Variants in PRELID2 observed in about 807,000 individuals in gnomAD.
PRELID2 encodes PRELI domain-containing protein 2.
Under a neutral mutation model 28.4 loss-of-function variants are expected in PRELID2, and 25 were observed. That is an observed-to-expected ratio of 0.88 (90% confidence interval 0.64 to 1.23). The LOEUF is 1.23. Ranked by LOEUF, PRELID2 falls within the 50% of genes most tolerant of loss-of-function variation. PRELID2 has a pLI of 0.00. For synonymous variants in PRELID2, 76 were observed against 71.6 expected, an observed-to-expected ratio of 1.06 and a Z score of -0.31; for missense variants, 201 against 214.4, an observed-to-expected ratio of 0.94 and a Z score of 0.39.
the PRELID2 span, among the ~76,000 whole-genome samples, chr5:145,316,101 C>A: frequency 6.6e-6 from 1 of 152,168 alleles, no homozygotes; most frequent in Admixed American, 6.5e-5. Flanking sequence ...TTGAAATTGG[C>A]CATGGTAGAA....
chr5:145,678,280 C>G (rs1158268533), intron 1 of PRELID2, among the ~76,000 whole-genome samples: 10 of 152,226 alleles, frequency 6.6e-5, no homozygotes, highest in Non-Finnish European at 1.2e-4. Flanking sequence ...AAAACTACCT[C>G]CCTGTCCCAT....
the PRELID2 span, among the ~76,000 whole-genome samples, chr5:145,238,287 T>C: frequency 6.6e-6 from 1 of 152,152 alleles, no homozygotes; most frequent in Admixed American, 6.6e-5. Flanking sequence ...TATCCCCATT[T>C]CACAGATGAC....
the PRELID2 span, among the ~76,000 whole-genome samples, chr5:145,389,265 C>G: frequency 5.3e-5 from 8 of 152,052 alleles, no homozygotes; most frequent in African/African-American, 1.9e-4. Context: ...ATGGCTGTTA[C>G]ACAAGATAGT....
chr5:145,759,882 T>TC lies in PRELID2; in HGVS notation c.*653_*654insG, dbSNP rs978988506. 4 of 152,230 alleles carry TC rather than the reference T, an allele frequency of 2.6e-5. No homozygotes were observed. Among genetic ancestry groups the TC allele is most frequent in the African/African-American group, 9.6e-5 (4 of 41,460 alleles). The allele number at this position is 152,230 out of a possible 1,614,324, so 9.4% of individuals were successfully genotyped here. ...CCTTCCCACTCTTCATTTCATTTTT[T>TC]TTTTTCCAGAGGACCAAATCACAGT... On this transcript the variant is annotated 3_prime_UTR_variant, in exon 7 of 7. Transcript: ENST00000683046.
intron 1 of PRELID2, among the ~76,000 whole-genome samples, chr5:145,532,188 T>TTCTAATCA (rs1330442612): frequency 7.2e-5 from 11 of 152,106 alleles, no homozygotes; most frequent in Non-Finnish European, 1.6e-4. Flanking sequence ...AGTATTCTAA[T>TTCTAATCA]CCCACCCAGA....
chr5:145,229,514 G>C, the PRELID2 span: 6 of 1,356,262 alleles, frequency 4.4e-6, no homozygotes, highest in Non-Finnish European at 6.2e-6. Context: ...AGGAGTCCCC[G>C]TGAGGGTGAC....
chr5:145,393,599 G>A, the PRELID2 span, among the ~76,000 whole-genome samples: 1 of 152,258 alleles, frequency 6.6e-6, no homozygotes, highest in African/African-American at 2.4e-5. Flanking sequence ...CTGACAGCTG[G>A]CGTTTGCCTT....
intron 1 of PRELID2, among the ~76,000 whole-genome samples, chr5:145,713,792 T>A (rs915370721): frequency 6.7e-6 from 1 of 148,220 alleles, no homozygotes; most frequent in African/African-American, 2.5e-5. Flanking sequence ...ACATTTTAAA[T>A]GTAATTACAT....
At chr5:145,826,857 G>GA (rs34543722) in intron 1 of PRELID2, among the ~76,000 whole-genome samples, 22,747 of 149,980 alleles carry the variant, frequency 0.15, 1,871 homozygotes, top group East Asian at 0.22. Flanking sequence ...TTTGCCGAGG[G>GA]AAAAAAAAAC....
chr5:145,353,594 A>T, the PRELID2 span, among the ~76,000 whole-genome samples: 1 of 152,188 alleles, frequency 6.6e-6, no homozygotes, highest in Non-Finnish European at 1.5e-5. Flanking sequence ...TGGAAGGGGA[A>T]GCAAACACTT....
intron 1 of PRELID2, among the ~76,000 whole-genome samples, chr5:145,571,562 C>G (rs2149617917): frequency 6.6e-6 from 1 of 152,322 alleles, no homozygotes; most frequent in East Asian, 1.9e-4. Flanking sequence ...TCCTGAAAAG[C>G]TATCTCTTCC....
At chr5:145,361,820 A>G in the PRELID2 span, among the ~76,000 whole-genome samples, 2 of 152,050 alleles carry the variant, frequency 1.3e-5, no homozygotes, top group Non-Finnish European at 2.9e-5. Context: ...GCCTTCACTC[A>G]AGCTGTCCTC....
At chr5:145,307,288 G>A in the PRELID2 span, among the ~76,000 whole-genome samples, 1,664 of 152,234 alleles carry the variant, frequency 0.011, 36 homozygotes, top group African/African-American at 0.038. Flanking sequence ...AAGCCAGGCC[G>A]AAGCCCAGTC....
intron 1 of PRELID2, among the ~76,000 whole-genome samples, chr5:145,609,051 G>T (rs2149643528): frequency 6.6e-6 from 1 of 152,304 alleles, no homozygotes; most frequent in African/African-American, 2.4e-5. Context: ...GGTCAATTCT[G>T]CTGTTAATAC....
intron 1 of PRELID2, among the ~76,000 whole-genome samples, chr5:145,696,428 G>A (rs1755264649): frequency 6.6e-6 from 1 of 151,964 alleles, no homozygotes; most frequent in East Asian, 1.9e-4. Flanking sequence ...TCACCAATAT[G>A]TCTTTGACCT....
At chr5:145,490,533 A>G (rs1349021124) in intron 1 of PRELID2, among the ~76,000 whole-genome samples, 1 of 152,232 alleles carries the variant, frequency 6.6e-6, no homozygotes, top group Non-Finnish European at 1.5e-5. Flanking sequence ...AGTAACAGTA[A>G]TCAGTTAAGT....
chr5:145,362,571 C>T, the PRELID2 span, among the ~76,000 whole-genome samples: 1 of 152,086 alleles, frequency 6.6e-6, no homozygotes, highest in African/African-American at 2.4e-5. Flanking sequence ...TAAATATTTT[C>T]TAAATGGCTG....
Position 145,644,829 on chromosome 5 carries a change from G to C in PRELID2, n.70+120102C>G, listed in dbSNP as rs149660995. 4.3e-4 allele frequency among the ~76,000 whole-genome samples: 65 copies of C among 152,282 alleles called. 1 individual carries two copies. The highest frequency in any genetic ancestry group is 1.5e-3 in the African/African-American group (63 of 41,558). On this transcript the variant is annotated intron_variant and non_coding_transcript_variant, in intron 1 of 2. Transcript: ENST00000510259. ...TTTCCATATAGTTGTGTGGTTTTGA[G>C]TGAGTTTCTTAATCCTGAGTTCTAA...
chr5:145,278,388 C>T, the PRELID2 span, among the ~76,000 whole-genome samples: 2 of 152,034 alleles, frequency 1.3e-5, no homozygotes, highest in Non-Finnish European at 2.9e-5. Flanking sequence ...AAAGTCTTAT[C>T]GTGACCAAAG....
Sources: allele counts gnomAD v4.1 joint callset (sites outside exome capture counted in the v4.1 genomes callset), GRCh38; gene constraint gnomAD v4.1.1; transcripts MANE v1.5; gene names NCBI Gene and HGNC (gene_info 2026-07-23, HGNC 2026-07-21).